The following ODF2L variants were observed in gnomAD, a reference collection of about 807,000 sequenced individuals.
ODF2L encodes the protein outer dense fiber of sperm tails 2 like.
Under a neutral mutation model 86.3 loss-of-function variants are expected in ODF2L, and 76 were observed. The ratio of observed to expected loss-of-function variants is 0.88; its 90% CI spans 0.73 to 1.07. The LOEUF (loss-of-function observed/expected upper bound fraction) is 1.07. Among genes scored for constraint, ODF2L ranks in the 50% least tolerant of loss-of-function variants. The pLI is 0.00. For missense variants in ODF2L, 748 were observed against 717.4 expected (o/e 1.04, Z -0.49); for synonymous variants, 241 against 231.3 (o/e 1.04, Z -0.38).
downstream of ODF2L, chr1:86,347,868 T>C (rs908502509): frequency 6.6e-6 from 1 of 152,148 alleles, no homozygotes; most frequent in African/African-American, 2.4e-5. Context: ...CAGTGGGAGA[T>C]TATAGCAAAC....
chr1:86,385,178 C>T (rs1347399394), intron 3 of ODF2L, among the ~76,000 whole-genome samples: 4 of 151,818 alleles, frequency 2.6e-5, no homozygotes, highest in African/African-American at 9.7e-5. Context: ...GTTTAAAATT[C>T]ACTCTTAAGA....
intron 9 of ODF2L, 34 bp downstream of exon 9, chr1:86,372,397 A>G (rs574894683): frequency 1.9e-6 from 2 of 1,048,402 alleles, no homozygotes; most frequent in African/African-American, 3.4e-5. Flanking sequence ...GAAAACTCTT[A>G]CTAAATAATA....
At chr1:86,393,812 C>T (rs2101607612) in intron 1 of ODF2L, among the ~76,000 whole-genome samples, 1 of 152,350 alleles carries the variant, frequency 6.6e-6, no homozygotes, top group Middle Eastern at 3.4e-3. Context: ...ATACGCATCA[C>T]TCTCTGCCCT....
chr1:86,350,276 C>T (rs1315608048), exon 18 of ODF2L: 1 of 152,142 alleles, frequency 6.6e-6, no homozygotes, highest in African/African-American at 2.4e-5. Context: ...CTGACAGGCC[C>T]TGGTGTGTGA....
At chr1:86,349,516 A>G (rs1436660052), downstream of ODF2L, 3 of 152,162 alleles carry the variant, frequency 2.0e-5, no homozygotes, top group African/African-American at 7.2e-5. Context: ...TACATCCTTC[A>G]TATCAGGTGT....
intron 1 of ODF2L, among the ~76,000 whole-genome samples, chr1:86,395,573 G>A (rs1661678857): frequency 6.6e-6 from 1 of 152,086 alleles, no homozygotes; most frequent in Non-Finnish European, 1.5e-5. Flanking sequence ...GGAACCTAGA[G>A]GAATCCTGGA....
intron 16 of ODF2L, 73 bp downstream of exon 15, chr1:86,354,457 G>A: frequency 1.1e-6 from 1 of 951,666 alleles, no homozygotes; most frequent in South Asian, 1.6e-5. Flanking sequence ...AATAACTACA[G>A]GTTGCAAGAT....
chr1:86,384,921 A>G, intron 3 of ODF2L, 120 bp from the exon 4 acceptor site: 1 of 666,314 alleles, frequency 1.5e-6, no homozygotes, highest in Non-Finnish European at 2.1e-6. Context: ...TGTGCATAGT[A>G]ATAATAAATG....
intron 11 of ODF2L, among the ~76,000 whole-genome samples, chr1:86,366,112 T>C (rs2100945088): frequency 6.6e-6 from 1 of 152,280 alleles, no homozygotes; most frequent in East Asian, 1.9e-4. Context: ...ACCAATCTAG[T>C]GGCAAGAACC....
At position 86,376,429 on chromosome 1, in the gene ODF2L, A is replaced by C; in HGVS notation, c.625-11T>G. On this transcript the variant is annotated splice_polypyrimidine_tract_variant and intron_variant, in intron 7 of 17. Coordinates refer to ENST00000317336, the Ensembl canonical transcript of ODF2L. ...CTTGGTTTCTAAGCTCTAAAAAAAAAATTAGCAACAATTAAATTATTTCAG... is the reference window on the plus strand; with the variant it reads ...CTTGGTTTCTAAGCTCTAAAAAAAACATTAGCAACAATTAAATTATTTCAG... The C allele has an allele frequency of 6.6e-7, 1 of 1,516,646 alleles. No individual in the cohort carries two copies. The highest frequency in any genetic ancestry group is 1.2e-5 in the South Asian group (1 of 83,050). 93.9% of individuals were successfully genotyped at this position (1,516,646 alleles called of 1,614,324 possible). A position where few individuals can be genotyped will look rare whatever the true frequency, so the allele number is the denominator to read the frequency against.
intron 9 of ODF2L, among the ~76,000 whole-genome samples, chr1:86,372,203 A>G (rs990925569): frequency 2.0e-5 from 3 of 151,650 alleles, no homozygotes; most frequent in Non-Finnish European, 4.4e-5. Context: ...AAAAAAAAAA[A>G]TTAAAAATGT....
chr1:86,365,381 A>G (rs1005848366), intron 11 of ODF2L, among the ~76,000 whole-genome samples: 7 of 152,214 alleles, frequency 4.6e-5, no homozygotes, highest in Non-Finnish European at 8.8e-5. Flanking sequence ...TAATGGAAGG[A>G]TAAAACAATC....
At chr1:86,367,566 A>C (rs1220378670) in intron 11 of ODF2L, among the ~76,000 whole-genome samples, 9 of 150,244 alleles carry the variant, frequency 6.0e-5, no homozygotes, top group Non-Finnish European at 1.0e-4. Flanking sequence ...AAAAAAAAAA[A>C]CAAAACAACA....
Position 86,354,830 on chromosome 1 carries a change from CTT to C in ODF2L, c.1546_1547del (p.Lys516AlafsTer15). The C allele has an allele frequency of 6.2e-7, 1 of 1,605,170 alleles. No homozygotes were observed. Among genetic ancestry groups the C allele is most frequent in the Non-Finnish European group, 8.5e-7 (1 of 1,175,066 alleles). On this transcript the variant is annotated frameshift_variant, in exon 15 of 18. Transcript: ENST00000317336. LOFTEE classifies it high-confidence loss of function. ...GACAGTTTTCCTCTTCCAGAGAAAG[CTT>C]TGTCAGAAGATTGTGATTTCCATCA...
At chr1:86,370,003 T>G (rs1317798591) in intron 10 of ODF2L, among the ~76,000 whole-genome samples, 1 of 152,114 alleles carries the variant, frequency 6.6e-6, no homozygotes, top group Non-Finnish European at 1.5e-5. Flanking sequence ...ATAAACATAC[T>G]CATTTTTAAA....
chr1:86,353,889 A>T (rs1190171816), intron 16 of ODF2L, among the ~76,000 whole-genome samples: 2 of 152,212 alleles, frequency 1.3e-5, no homozygotes, highest in Non-Finnish European at 2.9e-5. Context: ...AGATAGCCCC[A>T]TATTCCACTG....
At chr1:86,354,579 G>T in exon 16 of ODF2L, 1 of 1,609,020 alleles carries the variant, frequency 6.2e-7, no homozygotes, top group Non-Finnish European at 8.5e-7. Flanking sequence ...GGCCAATGCT[G>T]TATACTCTGC....
chr1:86,348,366 T>C (rs996960156), downstream of ODF2L: 3 of 151,278 alleles, frequency 2.0e-5, no homozygotes, highest in African/African-American at 7.3e-5. Context: ...TATATCATAA[T>C]ATAAAACAAT....
At position 86,376,109 on chromosome 1, in the gene ODF2L, G is replaced by GT. The variant is rs1230028490; in HGVS notation, c.810+123dup. The GT allele has an allele frequency of 3.1e-5, 15 of 491,632 alleles. No individual in the cohort carries two copies. In the South Asian group the frequency reaches 9.0e-4, roughly 29 times the overall value. 30.5% of individuals were successfully genotyped at this position (491,632 alleles called of 1,614,324 possible). On this transcript the variant is annotated intron_variant, in intron 8 of 17. Coordinates refer to ENST00000317336, the Ensembl canonical transcript of ODF2L. ...TAAAAGATTAAAGCAAAAAGTGTAA[G>GT]TTTTTTCTGGTATTAACAGCATTAA...
Sources: allele counts gnomAD v4.1 joint callset (sites outside exome capture counted in the v4.1 genomes callset), GRCh38; gene constraint gnomAD v4.1.1; transcripts MANE v1.5; gene names NCBI Gene and HGNC (gene_info 2026-07-23, HGNC 2026-07-21).